NPAS3: variants seen among roughly 807,000 people sequenced by gnomAD.
NPAS3 encodes the protein neuronal PAS domain-containing protein 3.
NPAS3 carries 14 observed loss-of-function variants against 73.1 expected under a neutral mutation model. The ratio of observed to expected loss-of-function variants is 0.19; its 90% CI spans 0.13 to 0.30. NPAS3 has a LOEUF of 0.30. Among genes scored for constraint, NPAS3 ranks in the 10% least tolerant of loss-of-function variants. The pLI, the probability that NPAS3 is intolerant of heterozygous loss-of-function variation, is 1.00. For missense variants in NPAS3, 1,096 were observed against 1,250.0 expected, an observed-to-expected ratio of 0.88 and a Z score of 1.86; for synonymous variants, 620 against 541.5, an observed-to-expected ratio of 1.14 and a Z score of -2.01.
intron 3 of NPAS3, among the ~76,000 whole-genome samples, chr14:33,325,870 G>C (rs1004378354): frequency 2.6e-5 from 4 of 151,862 alleles, no homozygotes; most frequent in African/African-American, 7.3e-5. Flanking sequence ...ATATTTTGAA[G>C]TTATTTTTTA....
At chr14:33,073,533 G>T (rs2138665561) in intron 2 of NPAS3, among the ~76,000 whole-genome samples, 1 of 152,230 alleles carries the variant, frequency 6.6e-6, no homozygotes, top group South Asian at 2.1e-4. Context: ...AGTCCAGAGA[G>T]CAAACTTATT....
At chr14:33,311,182 G>C (rs997310679) in intron 3 of NPAS3, among the ~76,000 whole-genome samples, 1 of 152,022 alleles carries the variant, frequency 6.6e-6, no homozygotes, top group African/African-American at 2.4e-5. Context: ...CTGGATGTTT[G>C]TCGTCCTGTC....
chr14:33,094,730 T>C (rs1013220004), intron 2 of NPAS3, among the ~76,000 whole-genome samples: 14 of 152,170 alleles, frequency 9.2e-5, no homozygotes, highest in Non-Finnish European at 1.9e-4. Flanking sequence ...CCTCCCAAAT[T>C]GCTGGGATTA....
intron 3 of NPAS3, among the ~76,000 whole-genome samples, chr14:33,269,615 A>C (rs1566742652): frequency 6.6e-6 from 1 of 152,192 alleles, no homozygotes; most frequent in Non-Finnish European, 1.5e-5. Flanking sequence ...GGAAACAATG[A>C]GAAAATGAGA....
At chr14:33,162,176 G>A (rs1345986015) in intron 2 of NPAS3, among the ~76,000 whole-genome samples, 1 of 152,214 alleles carries the variant, frequency 6.6e-6, no homozygotes, top group Non-Finnish European at 1.5e-5. Flanking sequence ...AGTGCAGCCA[G>A]GTACTTGTCT....
intron 5 of NPAS3, among the ~76,000 whole-genome samples, chr14:33,638,607 C>A (rs1451446516): frequency 6.6e-6 from 1 of 152,172 alleles, no homozygotes; most frequent in Admixed American, 6.5e-5. Flanking sequence ...TAGACATTGG[C>A]CATTAGTAGT....
intron 5 of NPAS3, among the ~76,000 whole-genome samples, chr14:33,663,573 G>A (rs538316202): frequency 9.1e-4 from 139 of 152,250 alleles, no homozygotes; most frequent in South Asian, 1.9e-3. Flanking sequence ...AGATGAGTTA[G>A]GGAGGAGTCT....
At chr14:33,428,219 C>T (rs1328001038) in intron 4 of NPAS3, among the ~76,000 whole-genome samples, 1 of 152,098 alleles carries the variant, frequency 6.6e-6, no homozygotes, top group Non-Finnish European at 1.5e-5. Context: ...CATTCTACCA[C>T]TTGCTACCTG....
chr14:33,738,075 G>A (rs1441923686), intron 7 of NPAS3, among the ~76,000 whole-genome samples: 2 of 152,106 alleles, frequency 1.3e-5, no homozygotes, highest in Admixed American at 6.6e-5. Flanking sequence ...TGACTGCGTG[G>A]CAGCCACTGT....
At chr14:32,943,696 T>TC (rs1159747040) in intron 1 of NPAS3, among the ~76,000 whole-genome samples, 8 of 146,726 alleles carry the variant, frequency 5.5e-5, no homozygotes, top group African/African-American at 2.0e-4. Flanking sequence ...TCTTTTTCTT[T>TC]TTTTTTTTTT....
At chr14:33,307,898 G>A (rs898477083) in intron 3 of NPAS3, among the ~76,000 whole-genome samples, 1 of 152,072 alleles carries the variant, frequency 6.6e-6, no homozygotes, top group African/African-American at 2.4e-5. Context: ...TACGTTGTTT[G>A]GCAGCCTGAA....
chr14:33,028,949 G>A (rs1343921679), intron 1 of NPAS3, among the ~76,000 whole-genome samples: 1 of 152,166 alleles, frequency 6.6e-6, no homozygotes, highest in African/African-American at 2.4e-5. Context: ...AGCCCAGTGT[G>A]CATTAGCTAT....
intron 8 of NPAS3, 89 bp downstream of exon 8, chr14:33,774,619 A>G (rs1490279798): frequency 2.0e-6 from 2 of 1,018,366 alleles, no homozygotes; most frequent in African/African-American, 1.6e-5. Context: ...GTACTCTCCC[A>G]GTGAGGTTCA....
intron 6 of NPAS3, among the ~76,000 whole-genome samples, chr14:33,714,830 G>A (rs1195364958): frequency 6.6e-6 from 1 of 151,964 alleles, no homozygotes; most frequent in Admixed American, 6.6e-5. Context: ...AAAAGGATGG[G>A]GCATTCTTAA....
chr14:33,432,009 A>C (rs2048804222), intron 4 of NPAS3, among the ~76,000 whole-genome samples: 1 of 152,200 alleles, frequency 6.6e-6, no homozygotes, highest in African/African-American at 2.4e-5. Flanking sequence ...ATATCATTTT[A>C]TGTTTGAGAA....
At chr14:33,797,863 C>CATAT (rs10582207) in intron 11 of NPAS3, among the ~76,000 whole-genome samples, 25 of 144,988 alleles carry the variant, frequency 1.7e-4, no homozygotes, top group Admixed American at 9.5e-4. Context: ...TATATATATA[C>CATAT]ATATATATAT....
intron 2 of NPAS3, among the ~76,000 whole-genome samples, chr14:33,146,623 A>G (rs906217896): frequency 6.6e-6 from 1 of 152,226 alleles, no homozygotes; most frequent in Non-Finnish European, 1.5e-5. Flanking sequence ...CAACAGTAAT[A>G]TTCTACAATA....
intron 1 of NPAS3, among the ~76,000 whole-genome samples, chr14:32,963,955 G>A (rs528701959): frequency 2.0e-5 from 3 of 151,970 alleles, no homozygotes; most frequent in South Asian, 4.1e-4. Flanking sequence ...GGAAGATTCA[G>A]TTTTTCGCTA....
At chr14:33,274,124 C>G (rs2041223031) in intron 3 of NPAS3, among the ~76,000 whole-genome samples, 1 of 152,144 alleles carries the variant, frequency 6.6e-6, no homozygotes, top group African/African-American at 2.4e-5. Context: ...ACAGGAAACG[C>G]AAGTGTGGTA....
Sources: allele counts gnomAD v4.1 joint callset (sites outside exome capture counted in the v4.1 genomes callset), GRCh38; gene constraint gnomAD v4.1.1; transcripts MANE v1.5; gene names NCBI Gene and HGNC (gene_info 2026-07-23, HGNC 2026-07-21).